VDR: variants seen among roughly 807,000 people sequenced by gnomAD.
VDR encodes the protein vitamin D receptor.
A neutral mutation model predicts 39.7 loss-of-function variants in VDR; 19 were observed. The ratio of observed to expected loss-of-function variants is 0.48; its 90% CI spans 0.33 to 0.70. The LOEUF is 0.70. VDR is among the 30% of genes least tolerant of loss of function. The probability of loss-of-function intolerance (pLI) is 0.02; values close to 1 mark genes in which losing one functional copy is unlikely to be tolerated. For missense variants in VDR, 442 were observed against 570.5 expected (o/e 0.77, Z 2.29); for synonymous variants, 242 against 215.8 (o/e 1.12, Z -1.07).
At chr12:47,892,651 G>A (rs767140107) in intron 1 of VDR, among the ~76,000 whole-genome samples, 1 of 152,150 alleles carries the variant, frequency 6.6e-6, no homozygotes, top group Non-Finnish European at 1.5e-5. Flanking sequence ...TACTGGAAGT[G>A]AGAGACACAG....
chr12:47,877,602 G>A (rs548328583), intron 3 of VDR, among the ~76,000 whole-genome samples: 3 of 152,224 alleles, frequency 2.0e-5, no homozygotes, highest in African/African-American at 7.2e-5. Flanking sequence ...AGCAGGCGCT[G>A]AGGTGTGCGT....
chr12:47,882,625 C>CCCAGG, intron 2 of VDR, 69 bp downstream of exon 2: 3 of 526,222 alleles, frequency 5.7e-6, no homozygotes, highest in Non-Finnish European at 6.7e-6. Flanking sequence ...CTTCTTATGC[C>CCCAGG]CCTCCCCCCC....
At chr12:47,853,050 T>C (rs1157054554) in intron 7 of VDR, among the ~76,000 whole-genome samples, 3 of 152,248 alleles carry the variant, frequency 2.0e-5, no homozygotes, top group African/African-American at 2.4e-5. Flanking sequence ...ATGTATTTTA[T>C]GGCAATATAC....
chr12:47,887,335 A>AAAAAC (rs1555156377), intron 1 of VDR, among the ~76,000 whole-genome samples: 1,778 of 150,346 alleles, frequency 0.012, 80 homozygotes, highest in African/African-American at 0.041. Flanking sequence ...AAAAAAAAAA[A>AAAAAC]AAAAAACAAA....
At chr12:47,887,976 G>C (rs1359093098) in intron 1 of VDR, among the ~76,000 whole-genome samples, 1 of 152,152 alleles carries the variant, frequency 6.6e-6, no homozygotes, top group African/African-American at 2.4e-5. Context: ...GCAGTATCAG[G>C]GTGTATTAGT....
At chr12:47,888,266 C>T (rs1477059854) in intron 1 of VDR, among the ~76,000 whole-genome samples, 1 of 152,178 alleles carries the variant, frequency 6.6e-6, no homozygotes, top group Admixed American at 6.5e-5. Flanking sequence ...CCTCCCACAA[C>T]ACGTGGGAAT....
At chr12:47,859,892 T>C (rs1945578529) in intron 4 of VDR, among the ~76,000 whole-genome samples, 1 of 34,730 alleles carries the variant, frequency 2.9e-5, no homozygotes, top group Non-Finnish European at 5.5e-5. Context: ...CTTCCTTCCT[T>C]CCTTCCTTCC....
chr12:47,903,627 C>G (rs556734427), intron 1 of VDR, among the ~76,000 whole-genome samples: 1 of 152,208 alleles, frequency 6.6e-6, no homozygotes, highest in Non-Finnish European at 1.5e-5. Context: ...CACTCCCTAG[C>G]CTGAGTTAAA....
chr12:47,848,558 T>C (rs1349021228), intron 7 of VDR, among the ~76,000 whole-genome samples: 1 of 25,038 alleles, frequency 4.0e-5, no homozygotes, highest in Non-Finnish European at 8.1e-5. Flanking sequence ...TCTACTCCTT[T>C]TTTTTTTTTT....
chr12:47,886,110 G>A lies in VDR; in HGVS notation c.-83-3336C>T, dbSNP rs750381043. On this transcript the variant is annotated intron_variant, in intron 1 of 9. Transcript: ENST00000549336. ...GTTCCTACTCCTTCTAGAAAGAAAT[G>A]GAAAGCTAAGCTATTTCCCCACAGA... Among the ~76,000 whole-genome samples the A allele has an allele frequency of 1.8e-4, 28 of 152,198 alleles. 1 individual carries two copies. Among genetic ancestry groups the A allele is most frequent in the Non-Finnish European group, 7.4e-5 (5 of 68,026 alleles).
intron 3 of VDR, among the ~76,000 whole-genome samples, chr12:47,871,518 C>T (rs558820256): frequency 6.7e-6 from 1 of 148,416 alleles, no homozygotes; most frequent in Admixed American, 6.7e-5. Context: ...CGCTGGAGTG[C>T]AGCAGCACGA....
In VDR at chr12:47,863,429, C is replaced by T. The variant is rs886544547; in HGVS notation, c.277+1618G>A. Among the ~76,000 whole-genome samples the T allele has an allele frequency of 2.6e-5, 4 of 152,212 alleles. No individual in the cohort carries two copies. In the East Asian group the frequency reaches 5.8e-4, roughly 22 times the overall value. Reference sequence around the variant, plus strand: ...CTTACGAACCACTGCAGTGGAACCTCGTGCCAGTCTTGGTTAGCTGGAGCT... The same window carrying T: ...CTTACGAACCACTGCAGTGGAACCTTGTGCCAGTCTTGGTTAGCTGGAGCT... On this transcript the variant is annotated intron_variant, in intron 4 of 9. Coordinates refer to ENST00000549336, the MANE Select transcript of VDR (RefSeq NM_000376.3).
At chr12:47,870,302 C>G (rs1054006809) in intron 3 of VDR, among the ~76,000 whole-genome samples, 9 of 152,178 alleles carry the variant, frequency 5.9e-5, no homozygotes, top group African/African-American at 2.2e-4. Context: ...GTGCTTTGTC[C>G]TGAAGGTCTA....
intron 3 of VDR, among the ~76,000 whole-genome samples, chr12:47,867,627 C>T (rs1371135339): frequency 1.3e-5 from 2 of 152,192 alleles, no homozygotes; most frequent in African/African-American, 4.8e-5. Flanking sequence ...ACTTTTCTGA[C>T]ATAGTTAGAT....
chr12:47,889,581 T>C (rs1946324442), intron 1 of VDR, among the ~76,000 whole-genome samples: 1 of 152,206 alleles, frequency 6.6e-6, no homozygotes, highest in Non-Finnish European at 1.5e-5. Flanking sequence ...CTGAGCTTTC[T>C]CTACTCCAGG....
In VDR at chr12:47,866,257, A is replaced by G. The variant is rs540221993; in HGVS notation, c.147-1080T>C. Among the ~76,000 whole-genome samples, 17 of 150,344 alleles carry G rather than the reference A, an allele frequency of 1.1e-4. No individual in the cohort carries two copies. In the East Asian group the frequency reaches 2.0e-3, roughly 18 times the overall value. The stretch of plus-strand genomic sequence containing the variant: ...CGAGTAGCTGGGACTACAGGCGCCC[A>G]CCACCGCACCCGGCTAATTCTTTGT... On this transcript the variant is annotated intron_variant, in intron 3 of 9. Transcript: ENST00000549336.
Position 47,867,784 on chromosome 12 carries a change from C to T in VDR, c.147-2607G>A, listed in dbSNP as rs1480603443. On this transcript the variant is annotated intron_variant, in intron 3 of 9. Coordinates refer to ENST00000549336, the MANE Select transcript of VDR (RefSeq NM_000376.3). Reference sequence around the variant, plus strand: ...AGATGAGCTACTGACGTCATCTGCTCAGGGGCCAGGCATTAGTTAGGATTC... The same window carrying T: ...AGATGAGCTACTGACGTCATCTGCTTAGGGGCCAGGCATTAGTTAGGATTC... Among the ~76,000 whole-genome samples the T allele has an allele frequency of 2.6e-5, 4 of 152,240 alleles. No homozygotes were observed. In the East Asian group the frequency reaches 7.7e-4, roughly 29 times the overall value.
Position 47,844,699 on chromosome 12 carries a change from G to T in VDR, c.*47C>A. 6.2e-7 allele frequency: 1 copy of T among 1,612,172 alleles called. No homozygotes were observed. On this transcript the variant is annotated 3_prime_UTR_variant, in exon 10 of 10. Transcript: ENST00000549336. Reference sequence around the variant, plus strand: ...CCGCCAGCCCCGGGCCTGGCACGTGGCCCTGGAGGAGCAGCCCCACCCAGG... The same window carrying T: ...CCGCCAGCCCCGGGCCTGGCACGTGTCCCTGGAGGAGCAGCCCCACCCAGG...
At chr12:47,893,776 G>A (rs920744819) in intron 1 of VDR, among the ~76,000 whole-genome samples, 2 of 152,168 alleles carry the variant, frequency 1.3e-5, no homozygotes, top group Non-Finnish European at 2.9e-5. Flanking sequence ...CAAAATACAC[G>A]ATGCTCACAA....
Sources: gnomAD v4.1 joint callset for allele counts (sites outside exome capture counted in the v4.1 genomes callset) on GRCh38, gnomAD v4.1.1 for gene constraint, MANE v1.5 for transcripts, NCBI Gene and HGNC (gene_info 2026-07-23, HGNC 2026-07-21) for gene names.